Variants in CDH18 observed in about 807,000 individuals in gnomAD.
The protein encoded by CDH18 is cadherin 18.
CDH18 carries 31 observed loss-of-function variants against 67.9 expected under a neutral mutation model. The observed-to-expected ratio is 0.46, with a 90% CI of 0.34 to 0.62. The LOEUF is 0.62. Among genes scored for constraint, CDH18 ranks in the 20% least tolerant of loss-of-function variants. The pLI is 0.01. For synonymous variants in CDH18, 362 were observed against 347.2 expected (o/e 1.04, Z -0.48); for missense variants, 890 against 975.5 (o/e 0.91, Z 1.17).
At chr5:19,482,139 T>G in intron 12 of CDH18, among the ~76,000 whole-genome samples, 1 of 151,978 alleles carries the variant, frequency 6.6e-6, no homozygotes, top group Admixed American at 6.6e-5. Context: ...TTTTTGAGAC[T>G]GAGTCTCACT....
At chr5:19,731,463 A>G (rs1767588217) in intron 4 of CDH18, among the ~76,000 whole-genome samples, 2 of 152,002 alleles carry the variant, frequency 1.3e-5, no homozygotes, top group East Asian at 1.9e-4. Context: ...CAACAACAAC[A>G]AATGTCATCT....
At chr5:20,501,574 A>G (rs1286997325) in intron 1 of CDH18, among the ~76,000 whole-genome samples, 1 of 24,102 alleles carries the variant, frequency 4.1e-5, no homozygotes, top group South Asian at 1.1e-3. Flanking sequence ...TATATAATAT[A>G]TATATATTAT....
intron 1 of CDH18, among the ~76,000 whole-genome samples, chr5:20,311,466 TA>T (rs370182876): frequency 0.014 from 2,092 of 152,104 alleles, 53 homozygotes; most frequent in African/African-American, 0.047. Context: ...TATGCAGCCA[TA>T]AAAAAGGATA....
At chr5:19,871,911 TG>T (rs1295675149) in intron 2 of CDH18, among the ~76,000 whole-genome samples, 6 of 152,198 alleles carry the variant, frequency 3.9e-5, no homozygotes, top group African/African-American at 1.4e-4. Context: ...TTAGGATTAA[TG>T]TTAATAACAC....
intron 3 of CDH18, among the ~76,000 whole-genome samples, chr5:19,789,205 G>A (rs1776115390): frequency 6.6e-6 from 1 of 152,182 alleles, no homozygotes; most frequent in Non-Finnish European, 1.5e-5. Context: ...TGCAAAAGCT[G>A]ACTGTTTTCT....
chr5:20,000,146 T>C lies in CDH18; in HGVS notation c.-517-8132A>G, dbSNP rs1046149256. 5.3e-5 allele frequency among the ~76,000 whole-genome samples: 8 copies of C among 152,124 alleles called. No homozygotes were observed. In the East Asian group the frequency reaches 1.5e-3, roughly 29 times the overall value. ...TTACATAATAAGTTGTGGGAACAGA[T>C]GAATTAGAATAAGAGCCCAATATAG... On this transcript the variant is annotated intron_variant, in intron 2 of 14. Transcript: ENST00000507958.
intron 1 of CDH18, among the ~76,000 whole-genome samples, chr5:20,517,849 T>C (rs1368403833): frequency 2.6e-5 from 4 of 152,056 alleles, no homozygotes; most frequent in Non-Finnish European, 5.9e-5. Flanking sequence ...TTGTTTCACC[T>C]AGGAAAAGTA....
chr5:20,151,820 G>T (rs1561833034), intron 2 of CDH18, among the ~76,000 whole-genome samples: 1 of 151,896 alleles, frequency 6.6e-6, no homozygotes, highest in Non-Finnish European at 1.5e-5. Context: ...GTCATTGAAA[G>T]AAATGGTCTC....
intron 2 of CDH18, among the ~76,000 whole-genome samples, chr5:20,095,403 G>GAA (rs1554089629): frequency 8.7e-6 from 1 of 115,238 alleles, no homozygotes; most frequent in African/African-American, 3.4e-5. Flanking sequence ...AAGAAAGAAA[G>GAA]AAAGAAAGAA....
chr5:20,506,440 C>T (rs183212517), intron 1 of CDH18, among the ~76,000 whole-genome samples: 1 of 152,310 alleles, frequency 6.6e-6, no homozygotes, highest in Admixed American at 6.5e-5. Flanking sequence ...ACGTAAGTGG[C>T]CTTTAGAGCA....
At chr5:20,387,902 TC>T (rs1460610359) in intron 1 of CDH18, among the ~76,000 whole-genome samples, 1 of 152,198 alleles carries the variant, frequency 6.6e-6, no homozygotes, top group Non-Finnish European at 1.5e-5. Context: ...CAGCCTTGCA[TC>T]CCAGGGATGA....
At chr5:19,523,809 T>C (rs768414652) in intron 9 of CDH18, among the ~76,000 whole-genome samples, 10 of 152,112 alleles carry the variant, frequency 6.6e-5, no homozygotes, top group Non-Finnish European at 1.5e-4. Context: ...TGAATATACA[T>C]ACTATCAGTA....
At chr5:20,300,668 C>T (rs192343128) in intron 1 of CDH18, among the ~76,000 whole-genome samples, 2 of 152,212 alleles carry the variant, frequency 1.3e-5, no homozygotes, top group Admixed American at 6.5e-5. Flanking sequence ...ACAGGCTCAC[C>T]TCCCTGATCT....
At chr5:19,576,550 T>A (rs962243684) in intron 7 of CDH18, among the ~76,000 whole-genome samples, 1 of 152,186 alleles carries the variant, frequency 6.6e-6, no homozygotes, top group Non-Finnish European at 1.5e-5. Context: ...TGAAATATCA[T>A]CTCATGCCTT....
At chr5:19,843,451 A>C (rs774255728) in intron 2 of CDH18, among the ~76,000 whole-genome samples, 3 of 152,128 alleles carry the variant, frequency 2.0e-5, no homozygotes, top group Non-Finnish European at 2.9e-5. Context: ...GGGAAACTCC[A>C]CCTAGATTTC....
At chr5:19,926,179 C>T (rs1793065400) in intron 2 of CDH18, among the ~76,000 whole-genome samples, 1 of 151,984 alleles carries the variant, frequency 6.6e-6, no homozygotes, top group Non-Finnish European at 1.5e-5. Flanking sequence ...CCGTTCAAGC[C>T]TATGTTGTTA....
At chr5:20,414,052 G>T (rs1441906960) in intron 1 of CDH18, among the ~76,000 whole-genome samples, 1 of 152,088 alleles carries the variant, frequency 6.6e-6, no homozygotes, top group East Asian at 1.9e-4. Context: ...ACATATGTTG[G>T]CAAGGATTTT....
intron 6 of CDH18, among the ~76,000 whole-genome samples, chr5:19,600,404 G>A (rs4866144): frequency 0.57 from 86,209 of 150,652 alleles, 27,174 homozygotes; most frequent in South Asian, 0.75. Flanking sequence ...GCTGGTACCA[G>A]CTTTTAATGT....
intron 11 of CDH18, among the ~76,000 whole-genome samples, chr5:19,483,887 A>G (rs1001962125): frequency 6.6e-6 from 1 of 152,232 alleles, no homozygotes. Context: ...AGGGTCCTAT[A>G]CTTTGAAGTG....
Sources: gnomAD v4.1 joint callset for allele counts (sites outside exome capture counted in the v4.1 genomes callset) on GRCh38, gnomAD v4.1.1 for gene constraint, MANE v1.5 for transcripts, NCBI Gene and HGNC (gene_info 2026-07-23, HGNC 2026-07-21) for gene names.